TTC28: variants seen among roughly 807,000 people sequenced by gnomAD.
TTC28 encodes tetratricopeptide repeat domain 28, also known as tetratricopeptide repeat protein 28.
A neutral mutation model predicts 198.0 loss-of-function variants in TTC28; 61 were observed. The observed-to-expected ratio is 0.31, with a 90% CI of 0.25 to 0.38. The LOEUF is 0.38. Ranked by LOEUF, TTC28 falls within the 10% of genes least tolerant of loss-of-function variation. The probability of loss-of-function intolerance (pLI) is 1.00; values close to 1 mark genes in which losing one functional copy is unlikely to be tolerated. For missense variants in TTC28, 2,678 were observed against 3,164.0 expected, an observed-to-expected ratio of 0.85 and a Z score of 3.69; for synonymous variants, 1,171 against 1,297.8, an observed-to-expected ratio of 0.90 and a Z score of 2.10.
intron 3 of TTC28, among the ~76,000 whole-genome samples, chr22:28,301,896 G>A (rs912509776): frequency 3.3e-5 from 5 of 152,112 alleles, no homozygotes; most frequent in Non-Finnish European, 5.9e-5. Flanking sequence ...AATTAGCTGG[G>A]TGTAGTGGTA....
rs761860940 is a variant in TTC28 at position 28,579,385 on chromosome 22, T to C, written c.381+50167A>G. ...CATATGACTACATATATAGTATACA[T>C]AGCTATATACATATATAACTATACA... On this transcript the variant is annotated intron_variant, in intron 2 of 22. Coordinates refer to ENST00000397906, the MANE Select transcript of TTC28 (RefSeq NM_001145418.2). Among the ~76,000 whole-genome samples the C allele has an allele frequency of 6.0e-4, 89 of 149,188 alleles. 1 individual carries two copies. Among genetic ancestry groups the C allele is most frequent in the Admixed American group, 1.1e-3 (16 of 14,878 alleles).
chr22:28,438,031 T>C (rs149153042), intron 2 of TTC28, among the ~76,000 whole-genome samples: 2 of 152,302 alleles, frequency 1.3e-5, no homozygotes, highest in Non-Finnish European at 2.9e-5. Context: ...TTGGTTGCAC[T>C]GATCTGGGAA....
At chr22:28,590,034 C>CAAAAAAAAAAAAAAAAAAAAAA (rs71194779) in intron 2 of TTC28, among the ~76,000 whole-genome samples, 25 of 68,044 alleles carry the variant, frequency 3.7e-4, no homozygotes, top group Non-Finnish European at 5.3e-4. Context: ...AAGACTCCAT[C>CAAAAAAAAAAAAAAAAAAAAAA]AAAAAAAAAA....
chr22:28,088,088 C>T (rs1387453154), intron 12 of TTC28, among the ~76,000 whole-genome samples: 1 of 152,084 alleles, frequency 6.6e-6, no homozygotes, highest in East Asian at 1.9e-4. Flanking sequence ...CCATACTGCC[C>T]AAGGTAATTT....
intron 2 of TTC28, among the ~76,000 whole-genome samples, chr22:28,562,850 C>A (rs2145998750): frequency 6.6e-6 from 1 of 152,334 alleles, no homozygotes; most frequent in East Asian, 1.9e-4. Context: ...TGGGCCAGCA[C>A]AGTGGCTCAT....
chr22:28,255,975 C>T (rs1189857538), intron 5 of TTC28, among the ~76,000 whole-genome samples: 9 of 152,016 alleles, frequency 5.9e-5, no homozygotes, highest in Non-Finnish European at 1.3e-4. Context: ...TTTAATATGA[C>T]TACATATATT....
chr22:28,628,602 C>T lies in TTC28; in HGVS notation c.381+950G>A, dbSNP rs117127123. ...TCCTTGGATCTACATTCTCCCATTT[C>T]GCCCCTCTCCTATCCCCCACCCTCT... On this transcript the variant is annotated intron_variant, in intron 2 of 22. Coordinates refer to ENST00000397906, the MANE Select transcript of TTC28 (RefSeq NM_001145418.2). Among the ~76,000 whole-genome samples, 22 of 152,200 alleles carry T rather than the reference C, an allele frequency of 1.4e-4. No homozygotes were observed. In the East Asian group the frequency reaches 4.0e-3, roughly 28 times the overall value.
chr22:28,579,099 T>C (rs1182131113), intron 2 of TTC28, among the ~76,000 whole-genome samples: 3 of 151,698 alleles, frequency 2.0e-5, no homozygotes, highest in South Asian at 2.1e-4. Flanking sequence ...CATATAGCTA[T>C]ATATATGTAT....
At chr22:28,396,855 A>T (rs2046826485) in intron 2 of TTC28, among the ~76,000 whole-genome samples, 1 of 152,196 alleles carries the variant, frequency 6.6e-6, no homozygotes, top group African/African-American at 2.4e-5. Flanking sequence ...TACTACATTT[A>T]GAAAGAATGC....
In TTC28 at chr22:28,094,490, C is replaced by T. The variant is rs537345906; in HGVS notation, c.3767-245G>A. ...GAAACCAGGGAATTCAAGATACAGC[C>T]TCAGAAGCTCCTGGAATTATGACTA... On this transcript the variant is annotated intron_variant, in intron 11 of 22. Coordinates refer to ENST00000397906, the MANE Select transcript of TTC28 (RefSeq NM_001145418.2). 2.0e-5 allele frequency among the ~76,000 whole-genome samples: 3 copies of T among 152,278 alleles called. No individual in the cohort carries two copies. The East Asian group carries it at 5.8e-4, about 29-fold the overall frequency.
At chr22:28,475,183 A>G (rs2048147188) in intron 2 of TTC28, among the ~76,000 whole-genome samples, 3 of 151,122 alleles carry the variant, frequency 2.0e-5, no homozygotes. Context: ...GAAAGAAAAG[A>G]AAAGAAAGAA....
At chr22:28,069,131 T>C (rs577699537) in intron 12 of TTC28, among the ~76,000 whole-genome samples, 55 of 152,272 alleles carry the variant, frequency 3.6e-4, no homozygotes, top group Non-Finnish European at 2.2e-4. Context: ...AGTGAGTCAT[T>C]TTCTTTTGAT....
intron 2 of TTC28, among the ~76,000 whole-genome samples, chr22:28,607,868 G>C (rs1486608782): frequency 2.0e-5 from 3 of 152,090 alleles, no homozygotes; most frequent in African/African-American, 4.8e-5. Context: ...GTCCAAGTTA[G>C]CTTCATCATT....
intron 12 of TTC28, among the ~76,000 whole-genome samples, chr22:28,087,836 A>G (rs1427019224): frequency 3.9e-5 from 6 of 152,138 alleles, no homozygotes; most frequent in Non-Finnish European, 8.8e-5. Flanking sequence ...AAATCAAGGT[A>G]CAAAAATCAC....
intron 6 of TTC28, among the ~76,000 whole-genome samples, chr22:28,139,269 T>A (rs892650122): frequency 3.3e-5 from 5 of 152,110 alleles, no homozygotes; most frequent in African/African-American, 1.2e-4. Flanking sequence ...AATAATGCAT[T>A]ATAATACATG....
At chr22:28,371,246 G>A (rs1389067722) in intron 2 of TTC28, among the ~76,000 whole-genome samples, 1 of 151,690 alleles carries the variant, frequency 6.6e-6, no homozygotes, top group Non-Finnish European at 1.5e-5. Flanking sequence ...GGCCAGGCAT[G>A]GTGGCTCATG....
At position 28,032,171 on chromosome 22, in the gene TTC28, TATATATATATATATATAAA is replaced by T. The variant is rs541773783; in HGVS notation, c.3933-1824_3933-1806del. Among the ~76,000 whole-genome samples, 18 of 89,308 alleles carry T rather than the reference TATATATATATATATATAAA, an allele frequency of 2.0e-4. No individual in the cohort carries two copies. The East Asian group carries it at 2.4e-3, about 12-fold the overall frequency. 58.6% of individuals were successfully genotyped at this position (89,308 alleles called of 152,430 possible). A position where few individuals can be genotyped will look rare whatever the true frequency, so the allele number is the denominator to read the frequency against. ...TATTTATATCTACTTAGTGTGTGTA[TATATATATATATATATAAA>T]ATATATATATATAAAATATATATAT... On this transcript the variant is annotated intron_variant, in intron 12 of 22. Coordinates refer to ENST00000397906, the MANE Select transcript of TTC28 (RefSeq NM_001145418.2).
At chr22:28,206,909 G>C (rs895510835) in intron 5 of TTC28, among the ~76,000 whole-genome samples, 1 of 152,084 alleles carries the variant, frequency 6.6e-6, no homozygotes, top group Non-Finnish European at 1.5e-5. Flanking sequence ...TACCTACTCC[G>C]GACGGAATCG....
At chr22:28,181,591 T>C (rs1923703614) in intron 5 of TTC28, among the ~76,000 whole-genome samples, 1 of 152,214 alleles carries the variant, frequency 6.6e-6, no homozygotes, top group Non-Finnish European at 1.5e-5. Flanking sequence ...ATCTGTGCTA[T>C]GTGTTATAAT....
Sources: gnomAD v4.1 joint callset for allele counts (sites outside exome capture counted in the v4.1 genomes callset) on GRCh38, gnomAD v4.1.1 for gene constraint, MANE v1.5 for transcripts, NCBI Gene and HGNC (gene_info 2026-07-23, HGNC 2026-07-21) for gene names.